LHFPL6: variants seen among roughly 807,000 people sequenced by gnomAD.
LHFPL6 encodes the protein LHFPL tetraspan subfamily member 6.
Under a neutral mutation model 20.6 loss-of-function variants are expected in LHFPL6, and 9 were observed. The ratio of observed to expected loss-of-function variants is 0.44; its 90% CI spans 0.26 to 0.76. The LOEUF (loss-of-function observed/expected upper bound fraction) is 0.76, where lower values mean the gene tolerates loss of function less well. Ranked by LOEUF, LHFPL6 falls within the 30% of genes least tolerant of loss-of-function variation. LHFPL6 has a pLI of 0.20. For missense variants in LHFPL6, 218 were observed against 253.5 expected, an observed-to-expected ratio of 0.86 and a Z score of 0.95; for synonymous variants, 105 against 98.7, an observed-to-expected ratio of 1.06 and a Z score of -0.38.
intron 2 of LHFPL6, among the ~76,000 whole-genome samples, chr13:39,579,009 G>A (rs1302497144): frequency 6.6e-6 from 1 of 152,200 alleles, no homozygotes; most frequent in Non-Finnish European, 1.5e-5. Flanking sequence ...CGTGTAACTA[G>A]TGCACAAGAA....
intron 2 of LHFPL6, among the ~76,000 whole-genome samples, chr13:39,386,391 C>T (rs1241735655): frequency 2.6e-5 from 4 of 152,190 alleles, no homozygotes; most frequent in African/African-American, 9.6e-5. Flanking sequence ...AAAAAAAAGG[C>T]TTGGTTGCAT....
At position 39,565,118 on chromosome 13, in the gene LHFPL6, A is replaced by G. The variant is rs538075282; in HGVS notation, c.385+35714T>C. Among the ~76,000 whole-genome samples the G allele has an allele frequency of 1.2e-4, 18 of 152,344 alleles. No homozygotes were observed. The East Asian group carries it at 3.5e-3, about 29-fold the overall frequency. ...TGTTTAAAAACTACCATTTGCTTAGAATAAAAAACAAACTGTCCTGAAATA... is the reference window on the plus strand; with the variant it reads ...TGTTTAAAAACTACCATTTGCTTAGGATAAAAAACAAACTGTCCTGAAATA... On this transcript the variant is annotated intron_variant, in intron 2 of 3. Coordinates refer to ENST00000379589, the MANE Select transcript of LHFPL6 (RefSeq NM_005780.3).
intron 2 of LHFPL6, among the ~76,000 whole-genome samples, chr13:39,422,411 C>G (rs1176323879): frequency 6.6e-6 from 1 of 151,962 alleles, no homozygotes; most frequent in East Asian, 1.9e-4. Context: ...ATGGAGAAAC[C>G]TCATCTCTAC....
chr13:39,427,099 T>C (rs1328279386), intron 2 of LHFPL6, among the ~76,000 whole-genome samples: 1 of 151,968 alleles, frequency 6.6e-6, no homozygotes, highest in Non-Finnish European at 1.5e-5. Flanking sequence ...TTGTTGATAA[T>C]ATATTAAAAT....
intron 3 of LHFPL6, among the ~76,000 whole-genome samples, chr13:39,349,297 A>G (rs566983982): frequency 1.3e-5 from 2 of 152,314 alleles, no homozygotes; most frequent in East Asian, 3.9e-4. Flanking sequence ...CTCAAAAAAT[A>G]TACAAAAGTA....
At chr13:39,517,461 G>A (rs1414120831) in intron 2 of LHFPL6, among the ~76,000 whole-genome samples, 1 of 152,152 alleles carries the variant, frequency 6.6e-6, no homozygotes, top group Admixed American at 6.5e-5. Flanking sequence ...ATTCTTAAAT[G>A]AATGTAATTA....
In LHFPL6 at chr13:39,395,599, C is replaced by T. The variant is rs1009285656; in HGVS notation, c.386-17073G>A. On this transcript the variant is annotated intron_variant, in intron 2 of 3. Transcript: ENST00000379589. ...TTCCATCACTCCGGGCGGGAGGTGC[C>T]GTGGACCTCAGTCAGGGTTTCTGCT... Among the ~76,000 whole-genome samples the T allele has an allele frequency of 8.5e-5, 13 of 152,270 alleles. No individual in the cohort carries two copies. In the South Asian group the frequency reaches 1.2e-3, roughly 15 times the overall value.
At chr13:39,543,255 CTCTT>C (rs1690930643) in intron 2 of LHFPL6, among the ~76,000 whole-genome samples, 1 of 152,214 alleles carries the variant, frequency 6.6e-6, no homozygotes, top group Non-Finnish European at 1.5e-5. Flanking sequence ...TAGCCATTCA[CTCTT>C]TCCTATTTTG....
chr13:39,473,923 T>C (rs1401833053), intron 2 of LHFPL6, among the ~76,000 whole-genome samples: 1 of 152,132 alleles, frequency 6.6e-6, no homozygotes, highest in Non-Finnish European at 1.5e-5. Context: ...AAAAGAGAAA[T>C]GAGGAGGAAA....
intron 2 of LHFPL6, among the ~76,000 whole-genome samples, chr13:39,436,593 G>C (rs1280909845): frequency 2.0e-5 from 3 of 152,020 alleles, no homozygotes; most frequent in Non-Finnish European, 4.4e-5. Context: ...TAACCTTCTA[G>C]TTCCTACCAA....
At chr13:39,371,898 G>C (rs1870176152) in intron 3 of LHFPL6, among the ~76,000 whole-genome samples, 1 of 152,214 alleles carries the variant, frequency 6.6e-6, no homozygotes. Context: ...CTGGGGAGAA[G>C]CTTGTCCTCT....
chr13:39,511,806 A>C (rs2138475491), intron 2 of LHFPL6, among the ~76,000 whole-genome samples: 1 of 152,328 alleles, frequency 6.6e-6, no homozygotes, highest in East Asian at 1.9e-4. Context: ...ACCTGTTTTT[A>C]GGTATCTGCT....
chr13:39,434,929 G>A lies in LHFPL6; in HGVS notation c.386-56403C>T, dbSNP rs901660543. On this transcript the variant is annotated intron_variant, in intron 2 of 3. Transcript: ENST00000379589. ...AAATTAGCCGGGCGCGGTGGCGGGC[G>A]CCTGTAGTCCCAGCTACTCGGGAGG... 9.2e-5 allele frequency among the ~76,000 whole-genome samples: 14 copies of A among 151,650 alleles called. No individual in the cohort carries two copies. The East Asian group carries it at 9.7e-4, about 11-fold the overall frequency.
intron 2 of LHFPL6, among the ~76,000 whole-genome samples, chr13:39,548,460 T>A (rs1871045434): frequency 6.6e-6 from 1 of 152,106 alleles, no homozygotes; most frequent in Non-Finnish European, 1.5e-5. Context: ...TAACTCCCGA[T>A]GGTCAGCAGC....
At chr13:39,520,670 G>C (rs965807478) in intron 2 of LHFPL6, among the ~76,000 whole-genome samples, 1 of 152,192 alleles carries the variant, frequency 6.6e-6, no homozygotes, top group Non-Finnish European at 1.5e-5. Context: ...CTATCAAATA[G>C]TGGAGCCATG....
chr13:39,354,489 C>G (rs1034091979), intron 3 of LHFPL6, among the ~76,000 whole-genome samples: 1 of 152,150 alleles, frequency 6.6e-6, no homozygotes, highest in East Asian at 1.9e-4. Context: ...CAGAGGGTCT[C>G]CTTACTTCCA....
At chr13:39,472,854 AC>A (rs1387089625) in intron 2 of LHFPL6, among the ~76,000 whole-genome samples, 4 of 152,110 alleles carry the variant, frequency 2.6e-5, no homozygotes, top group African/African-American at 9.6e-5. Context: ...CAGGTGGTCC[AC>A]CCGCCTTGGC....
intron 3 of LHFPL6, among the ~76,000 whole-genome samples, chr13:39,369,439 T>C (rs1887474): frequency 0.84 from 126,949 of 151,988 alleles, 53,400 homozygotes; most frequent in Middle Eastern, 0.93. Context: ...AAATTTTTTT[T>C]TGGGAGGTGG....
chr13:39,356,466 A>C (rs1869730674), intron 3 of LHFPL6, among the ~76,000 whole-genome samples: 1 of 152,204 alleles, frequency 6.6e-6, no homozygotes, highest in Admixed American at 6.5e-5. Flanking sequence ...GTGGGAAAAG[A>C]AAAACTAGAA....
Sources: allele counts gnomAD v4.1 joint callset (sites outside exome capture counted in the v4.1 genomes callset), GRCh38; gene constraint gnomAD v4.1.1; transcripts MANE v1.5; gene names NCBI Gene and HGNC (gene_info 2026-07-23, HGNC 2026-07-21).